Variants in CHRDL2 observed in about 807,000 individuals in gnomAD.
The protein encoded by CHRDL2 is chordin-like protein 2.
In CHRDL2, 41 loss-of-function variants were observed where a neutral mutation model predicts 54.3. The observed-to-expected ratio is 0.76, with a 90% CI of 0.59 to 0.98. The LOEUF (loss-of-function observed/expected upper bound fraction) is 0.98, where lower values mean the gene tolerates loss of function less well. Among genes scored for constraint, CHRDL2 ranks in the 50% least tolerant of loss-of-function variants. The pLI is 0.00. For synonymous variants in CHRDL2, 220 were observed against 224.3 expected (o/e 0.98, Z 0.17); for missense variants, 518 against 562.4 (o/e 0.92, Z 0.80).
At chr11:74,721,769 C>A (rs1450416993) in intron 1 of CHRDL2, among the ~76,000 whole-genome samples, 1 of 152,252 alleles carries the variant, frequency 6.6e-6, no homozygotes, top group African/African-American at 2.4e-5. Context: ...ATCCTCCTTT[C>A]TCTGAGCCTC....
At chr11:74,722,034 G>C (rs2034508084) in intron 1 of CHRDL2, among the ~76,000 whole-genome samples, 1 of 152,116 alleles carries the variant, frequency 6.6e-6, no homozygotes, top group South Asian at 2.1e-4. Context: ...TGTGTTGATG[G>C]TCTCATACAT....
intron 3 of CHRDL2, among the ~76,000 whole-genome samples, chr11:74,712,731 ACCTCCCCTCCCACCTCCAAGTTGG>A (rs1169041982): frequency 6.6e-6 from 1 of 150,868 alleles, no homozygotes; most frequent in Non-Finnish European, 1.5e-5. Flanking sequence ...TTTCCTCTCA[ACCTCCCCTCCCACCTCCAAGTTGG>A]CCTCCCCTCT....
intron 2 of CHRDL2, among the ~76,000 whole-genome samples, chr11:74,714,746 G>A (rs1195338262): frequency 6.6e-6 from 1 of 152,220 alleles, no homozygotes; most frequent in East Asian, 1.9e-4. Flanking sequence ...GAGAAACTAG[G>A]ATGGAGTGCA....
intron 9 of CHRDL2, among the ~76,000 whole-genome samples, chr11:74,700,557 G>A (rs531752475): frequency 2.0e-5 from 3 of 152,002 alleles, no homozygotes; most frequent in East Asian, 3.9e-4. Context: ...TGGGGGCAGC[G>A]GAGAGAGAGA....
At chr11:74,703,194 C>T (rs1226227957) in intron 8 of CHRDL2, 111 bp downstream of exon 8, 13 of 1,288,812 alleles carry the variant, frequency 1.0e-5, no homozygotes, top group Non-Finnish European at 1.2e-5. Flanking sequence ...CCTGTGGCAC[C>T]GATGCATGCC....
intron 1 of CHRDL2, among the ~76,000 whole-genome samples, chr11:74,724,557 C>G (rs1463578099): frequency 5.3e-5 from 8 of 152,232 alleles, no homozygotes; most frequent in African/African-American, 1.9e-4. Flanking sequence ...AAATTCCTCA[C>G]TCTTCCACCA....
intron 1 of CHRDL2, chr11:74,719,381 TACACACACACACACACACACACACAC>T (rs5792667): frequency 9.2e-5 from 7 of 76,448 alleles, no homozygotes; most frequent in Admixed American, 8.3e-4. Context: ...CCCTCCCCTG[TACACACACACACACACACACACACAC>T]ACACACACAC....
intron 4 of CHRDL2, among the ~76,000 whole-genome samples, chr11:74,708,957 C>T (rs548986227): frequency 1.1e-4 from 17 of 152,322 alleles, no homozygotes; most frequent in African/African-American, 4.1e-4. Context: ...TGAGATTCCT[C>T]CTCTGTGAAG....
rs375797871 is a variant in CHRDL2, at chr11:74,703,442, C to G, written c.809G>C (p.Arg270Pro). 1 of 1,612,502 alleles carries G rather than the reference C, an allele frequency of 6.2e-7. No homozygotes were observed. The highest frequency in any genetic ancestry group is 8.5e-7 in the Non-Finnish European group (1 of 1,179,328). The part of the protein sequence containing the change: ...SHGEVWHPAF[R>P]AFGPLPCILC... The stretch of plus-strand genomic sequence containing the variant: ...GATGCAGGGCAAGGGGCCGAAGGCA[C>G]GGAAGGCCGGGTGCCACACCTCCCC... The change falls in exon 8 of 11, where the codon CGT (arginine) becomes CCT (proline). Residue 270 changes from arginine (R) to proline (P), a missense_variant. Arg to Pro is a moderately radical substitution (Grantham distance 103). Coordinates refer to ENST00000376332, the MANE Select transcript of CHRDL2 (RefSeq NM_001278473.3).
At chr11:74,703,564 A>T in intron 7 of CHRDL2, 65 bp from the exon 8 acceptor site, 1 of 1,413,372 alleles carries the variant, frequency 7.1e-7, no homozygotes, top group Middle Eastern at 1.9e-4. Flanking sequence ...CCTCTGGTCC[A>T]GCAGCGGGTG....
chr11:74,707,460 G>C (rs529535626), intron 5 of CHRDL2, among the ~76,000 whole-genome samples: 152 of 152,286 alleles, frequency 1.0e-3, no homozygotes, highest in African/African-American at 3.5e-3. Context: ...CGCTTAGCCT[G>C]CCCTTTGCTA....
intron 1 of CHRDL2, among the ~76,000 whole-genome samples, chr11:74,720,765 C>T (rs781360181): frequency 6.6e-6 from 1 of 152,200 alleles, no homozygotes; most frequent in African/African-American, 2.4e-5. Flanking sequence ...TCCCTCTCAG[C>T]ACTGGGGGCT....
intron 4 of CHRDL2, 149 bp from the exon 5 acceptor site, chr11:74,708,544 G>C (rs531452339): frequency 5.8e-4 from 349 of 600,374 alleles, no homozygotes; most frequent in Non-Finnish European, 8.3e-4. Context: ...AGCAAGGCCC[G>C]GCCAGCTCAG....
rs1204358252 is a variant in CHRDL2, at chr11:74,711,005, G to A, written c.290-14C>T. The A allele has an allele frequency of 6.2e-7, 1 of 1,601,584 alleles. No homozygotes were observed. The highest frequency in any genetic ancestry group is 1.3e-5 in the African/African-American group (1 of 74,432). ...GAGTGTGAGGTTCTGCAGTGGGGGA[G>A]GGGCAGGAGGAAGAAGAAAATGAGG... On this transcript the variant is annotated splice_polypyrimidine_tract_variant and intron_variant, in intron 3 of 10. Coordinates refer to ENST00000376332, the MANE Select transcript of CHRDL2 (RefSeq NM_001278473.3).
At chr11:74,704,351 G>A (rs1663909637) in intron 7 of CHRDL2, 135 bp downstream of exon 7, 4 of 777,708 alleles carry the variant, frequency 5.1e-6, no homozygotes, top group Admixed American at 3.3e-5. Flanking sequence ...GGCGTTCTCC[G>A]AGTCTACAAG....
At position 74,703,432 on chromosome 11, in the gene CHRDL2, G is replaced by A. The variant is rs1160893297; in HGVS notation, c.819C>T (p.Gly273=). ...AGGTGCATAGGATGCAGGGCAAGGG[G>A]CCGAAGGCACGGAAGGCCGGGTGCC... ...EVWHPAFRAF[G]PLPCILCTCE... Residue 273 remains glycine, a synonymous_variant, in exon 8 of 11, where the codon GGC becomes GGT. Transcript: ENST00000376332. The A allele has an allele frequency of 3.1e-6, 5 of 1,613,202 alleles. No homozygotes were observed. Among genetic ancestry groups the A allele is most frequent in the Non-Finnish European group, 4.2e-6 (5 of 1,179,598 alleles).
intron 9 of CHRDL2, chr11:74,697,675 G>C: frequency 2.2e-6 from 1 of 455,618 alleles, no homozygotes; most frequent in Non-Finnish European, 4.4e-6. Flanking sequence ...TCTCTTTGCT[G>C]ATCCTGCTCC....
chr11:74,707,908 G>A (rs1209228408), intron 5 of CHRDL2, among the ~76,000 whole-genome samples: 1 of 152,162 alleles, frequency 6.6e-6, no homozygotes, highest in East Asian at 1.9e-4. Flanking sequence ...TGGAGAGATA[G>A]TTGGTGGCTG....
chr11:74,718,767 A>T lies in CHRDL2; in HGVS notation c.148T>A (p.Leu50Met), dbSNP rs758221620. ...CAGTACATCAGGCCTTGTGGCTCCA[A>T]GTAGGGGTGCCAGCTCTCGCCGGGG... ...YSPGESWHPY[L>M]EPQGLMYCLR... The change falls in exon 2 of 11, where the codon TTG (leucine) becomes ATG (methionine). Residue 50 changes from leucine (L) to methionine (M), a missense_variant. Leu to Met is a conservative substitution (Grantham distance 15). Coordinates refer to ENST00000376332, the MANE Select transcript of CHRDL2 (RefSeq NM_001278473.3). The T allele has an allele frequency of 5.6e-6, 9 of 1,613,738 alleles. No homozygotes were observed. The East Asian group carries it at 2.0e-4, about 36-fold the overall frequency.
Sources: allele counts gnomAD v4.1 joint callset (sites outside exome capture counted in the v4.1 genomes callset), GRCh38; gene constraint gnomAD v4.1.1; transcripts MANE v1.5; gene names NCBI Gene and HGNC (gene_info 2026-07-23, HGNC 2026-07-21).